EXOSC2: variants seen among roughly 807,000 people sequenced by gnomAD.
EXOSC2 encodes the protein exosome complex component RRP4.
In EXOSC2, 29 loss-of-function variants were observed where a neutral mutation model predicts 37.6. The observed-to-expected ratio is 0.77, with a 90% CI of 0.57 to 1.05. The LOEUF (loss-of-function observed/expected upper bound fraction) is 1.05. Ranked by LOEUF, EXOSC2 falls within the 50% of genes least tolerant of loss-of-function variation. EXOSC2 has a pLI of 0.00. For synonymous variants in EXOSC2, 119 were observed against 131.1 expected (o/e 0.91, Z 0.63); for missense variants, 346 against 365.6 (o/e 0.95, Z 0.44).
At chr9:130,695,664 C>T (rs1235821846) in intron 2 of EXOSC2, 71 bp downstream of exon 2, 2 of 1,332,548 alleles carry the variant, frequency 1.5e-6, no homozygotes, top group Non-Finnish European at 2.1e-6. Flanking sequence ...CCTGCCCCCT[C>T]CTTATCCCCC....
chr9:130,699,158 G>A (rs373730728), intron 4 of EXOSC2, among the ~76,000 whole-genome samples, 171 bp from the exon 5 acceptor site: 6 of 152,112 alleles, frequency 3.9e-5, no homozygotes, highest in Non-Finnish European at 5.9e-5. Flanking sequence ...ATGGAAAGTC[G>A]TGATTATCAC....
At chr9:130,695,902 C>T (rs751401921) in intron 2 of EXOSC2, among the ~76,000 whole-genome samples, 1 of 146,432 alleles carries the variant, frequency 6.8e-6, no homozygotes, top group Non-Finnish European at 1.5e-5. Flanking sequence ...ACTCTGTTGC[C>T]GAGGCTGGAG....
In EXOSC2 at chr9:130,694,863, T is replaced by C. The variant is rs2791747; in HGVS notation, c.123-629T>C. Among the ~76,000 whole-genome samples, 83,390 of 151,052 alleles carry C rather than the reference T, an allele frequency of 0.55. 24,501 individuals are homozygous for C. The highest frequency in any genetic ancestry group is 0.76 in the African/African-American group (31,311 of 41,228). On this transcript the variant is annotated intron_variant, in intron 1 of 8. Transcript: ENST00000372358. This position sits in a 1 kb window ranked among gnomAD's most constrained non-coding sequence, Gnocchi z 4.0. ...GATTACAGGTGCACGCCACCATGCC[T>C]AGCTAATTTTTGGTTTTTTTTTTTT...
chr9:130,700,579 G>C (rs1588199801), intron 5 of EXOSC2, among the ~76,000 whole-genome samples: 1 of 149,334 alleles, frequency 6.7e-6, no homozygotes, highest in African/African-American at 2.5e-5. Flanking sequence ...GGCTGGTCTA[G>C]AACTCCTGAC....
intron 2 of EXOSC2, among the ~76,000 whole-genome samples, chr9:130,696,416 C>G (rs1372474727): frequency 6.6e-6 from 1 of 152,032 alleles, no homozygotes; most frequent in Non-Finnish European, 1.5e-5. Flanking sequence ...AGGGGTGGAG[C>G]AGAGGAGGGA....
At position 130,703,071 on chromosome 9, in the gene EXOSC2, C is replaced by G. The variant is rs149299789; in HGVS notation, c.691C>G (p.Arg231Gly). 3 of 1,613,530 alleles carry G rather than the reference C, an allele frequency of 1.9e-6. No individual in the cohort carries two copies. In the Middle Eastern group the frequency reaches 5.0e-4, roughly 266 times the overall value. ...CTTATAGCCTGTCTCTCTTGCTGAT[C>G]GAGAGGTGATATCCCGGCTTCGGAA... ...ANLEPVSLADREVISRLRNCI... is the reference protein window; with the variant it reads ...ANLEPVSLADGEVISRLRNCI... Residue 231 changes from arginine (R) to glycine (G), a missense_variant, in exon 8 of 9, where the codon CGA becomes GGA. Physicochemically the swap from Arg to Gly is moderately radical, Grantham distance 125 (BLOSUM62 -2). Transcript: ENST00000372358.
chr9:130,693,978 C>A (rs1831038025), intron 1 of EXOSC2, 65 bp downstream of exon 1: 10 of 1,524,618 alleles, frequency 6.6e-6, no homozygotes, highest in Non-Finnish European at 8.9e-6. Context: ...GCACGTGGTC[C>A]AGGCCTCGTA....
rs139286519 is a variant in EXOSC2, at chr9:130,697,617, G to T, written c.260G>T (p.Arg87Leu). The change falls in exon 3 of 9, where the codon CGA (arginine) becomes CTA (leucine). Residue 87 changes from arginine (R) to leucine (L), a missense_variant. Physicochemically the swap from Arg to Leu is moderately radical, Grantham distance 102. Coordinates refer to ENST00000372358, the MANE Select transcript of EXOSC2 (RefSeq NM_014285.7). ...IGEVGDIVVG[R>L]ITEVQQKRWK... ...GAAGTAGGAGACATCGTAGTGGGAC[G>T]AATCACAGAGGTAACGTCGATATCA... 13 of 1,613,964 alleles carry T rather than the reference G, an allele frequency of 8.1e-6. No homozygotes were observed. In the Admixed American group the frequency reaches 2.2e-4, roughly 27 times the overall value.
chr9:130,703,703 A>G lies in EXOSC2; in HGVS notation c.811A>G (p.Ile271Val), dbSNP rs1373069318. 1.2e-6 allele frequency: 2 copies of G among 1,613,804 alleles called. No homozygotes were observed. Among genetic ancestry groups the G allele is most frequent in the South Asian group, 1.1e-5 (1 of 90,976 alleles). The change falls in exon 9 of 9, where the codon ATC becomes GTC. Residue 271 changes from isoleucine (I) to valine (V), a missense_variant. Ile to Val is a conservative substitution (Grantham distance 29). Transcript: ENST00000372358. ...EASLPHQIKD[I>V]LKPEIMEEIV... ...CTTTTCCCTTTTTCAGATCAAAGAC[A>G]TCTTAAAGCCAGAAATAATGGAGGA... is the stretch of plus-strand genomic sequence containing the variant.
At chr9:130,695,322 C>A (rs1831069006) in intron 1 of EXOSC2, among the ~76,000 whole-genome samples, 170 bp from the exon 2 acceptor site, 1 of 152,134 alleles carries the variant, frequency 6.6e-6, no homozygotes, top group Non-Finnish European at 1.5e-5. Context: ...GGAGTGATGT[C>A]CAAGTAGCTG....
intron 6 of EXOSC2, chr9:130,701,264 T>C: frequency 3.8e-6 from 1 of 262,780 alleles, no homozygotes; most frequent in South Asian, 4.6e-5. Flanking sequence ...GCACTGGGGC[T>C]GAGGCTGTCC....
intron 2 of EXOSC2, among the ~76,000 whole-genome samples, chr9:130,696,917 A>T (rs927154011): frequency 6.6e-6 from 1 of 152,046 alleles, no homozygotes; most frequent in Non-Finnish European, 1.5e-5. Context: ...GGAGGACTGG[A>T]GGGGGCTGCG....
Position 130,697,444 on chromosome 9 carries a change from C to T in EXOSC2, c.225-138C>T, listed in dbSNP as rs1831120248. On this transcript the variant is annotated intron_variant, in intron 2 of 8. Transcript: ENST00000372358. ...AGCAGTTTCTGAAAGTAAGTCCAGA[C>T]AATATAGTTACATGAATTTGCTGAA... is the stretch of plus-strand genomic sequence containing the variant. 1.3e-5 allele frequency: 10 copies of T among 775,230 alleles called. No homozygotes were observed. The East Asian group carries it at 2.3e-4, about 18-fold the overall frequency. 48.0% of individuals were successfully genotyped at this position (775,230 alleles called of 1,614,324 possible).
chr9:130,703,116 A>G lies in EXOSC2; in HGVS notation c.736A>G (p.Thr246Ala), dbSNP rs766673881. The G allele has an allele frequency of 6.2e-7, 1 of 1,613,806 alleles. No individual in the cohort carries two copies. Among genetic ancestry groups the G allele is most frequent in the African/African-American group, 1.3e-5 (1 of 74,872 alleles). Residue 246 changes from threonine to alanine, a missense_variant, in exon 8 of 9, where the codon ACT (threonine) becomes GCT (alanine). By Grantham distance (58) the Thr-to-Ala change is moderately conservative (BLOSUM62 0). Transcript: ENST00000372358. ...TCGGAACTGCATCATCTCGCTGGTA[A>G]CTCAGAGGATGATGCTGTATGATAC... ...RLRNCIISLV[T>A]QRMMLYDTSI...
In EXOSC2 at chr9:130,695,489, CA is replaced by C. The variant is rs752164925; in HGVS notation, c.123-2del. On this transcript the variant is annotated splice_acceptor_variant, in intron 1 of 8. Transcript: ENST00000372358. LOFTEE classifies it high-confidence loss of function. Reference sequence around the variant, plus strand: ...CTTTCTTTGTATCTTCGCCTTGCATCAGGGGCCATGGAACGTATATGGGAGA... The same window carrying C: ...CTTTCTTTGTATCTTCGCCTTGCATCGGGGCCATGGAACGTATATGGGAGA... The C allele has an allele frequency of 2.5e-6, 4 of 1,612,860 alleles. No individual in the cohort carries two copies. The highest frequency in any genetic ancestry group is 1.1e-5 in the South Asian group (1 of 91,072).
chr9:130,702,127 T>G lies in EXOSC2; in HGVS notation c.496-7T>G. The G allele has an allele frequency of 6.2e-7, 1 of 1,613,180 alleles. No individual in the cohort carries two copies. On this transcript the variant is annotated splice_region_variant and splice_polypyrimidine_tract_variant and intron_variant, in intron 6 of 8. Transcript: ENST00000372358. ...CAGTGACCTAGCTTCGTGATATATT[T>G]CTTTAGCTAGGTCAGGGGGTTTTGG...
Position 130,699,371 on chromosome 9 carries a change from T to G in EXOSC2, c.403T>G (p.Leu135Val). The G allele has an allele frequency of 1.9e-6, 3 of 1,614,230 alleles. No individual in the cohort carries two copies. The highest frequency in any genetic ancestry group is 2.5e-6 in the Non-Finnish European group (3 of 1,180,038). The part of the protein sequence containing the change: ...AEDELAMRGF[L>V]QEGDLISAEV... ...AGATGAGCTTGCAATGAGAGGTTTC[T>G]TACAGGAAGGGGACCTTATCAGTGT... Residue 135 changes from leucine (L) to valine (V), a missense_variant, in exon 5 of 9, where the codon TTA becomes GTA. Physicochemically the swap from Leu to Val is conservative, Grantham distance 32. Coordinates refer to ENST00000372358, the MANE Select transcript of EXOSC2 (RefSeq NM_014285.7).
In EXOSC2 at chr9:130,700,854, T is replaced by C. The variant is rs369208646; in HGVS notation, c.427-13T>C. Reference sequence around the variant, plus strand: ...GCCAAGGCTGCTGTTTGTTCCTTCATCACCCTGGCCAGGCTGAGGTCCAGG... The same window carrying C: ...GCCAAGGCTGCTGTTTGTTCCTTCACCACCCTGGCCAGGCTGAGGTCCAGG... On this transcript the variant is annotated splice_polypyrimidine_tract_variant and intron_variant, in intron 5 of 8. Coordinates refer to ENST00000372358, the MANE Select transcript of EXOSC2 (RefSeq NM_014285.7). The C allele has an allele frequency of 6.2e-7, 1 of 1,613,712 alleles. No homozygotes were observed. The highest frequency in any genetic ancestry group is 8.5e-7 in the Non-Finnish European group (1 of 1,179,902).
At chr9:130,701,882 T>C (rs1004600524) in intron 6 of EXOSC2, 34 of 1,290,412 alleles carry the variant, frequency 2.6e-5, no homozygotes, top group Admixed American at 7.1e-5. Flanking sequence ...TGGCTTAGAG[T>C]GCAAGGAAGA....
Sources: gnomAD v4.1 joint callset for allele counts (sites outside exome capture counted in the v4.1 genomes callset) on GRCh38, gnomAD v4.1.1 for gene constraint, Gnocchi (gnomAD v3.1) non-coding constraint, MANE v1.5 for transcripts, NCBI Gene and HGNC (gene_info 2026-07-23, HGNC 2026-07-21) for gene names.